NAA25: variants seen among roughly 807,000 people sequenced by gnomAD.
The protein encoded by NAA25 is N-terminal acetyltransferase B complex subunit NAA25.
In NAA25, 30 loss-of-function variants were observed where a neutral mutation model predicts 132.5. That is an observed-to-expected ratio of 0.23 (90% CI 0.17 to 0.31). The LOEUF is 0.31. Ranked by LOEUF, NAA25 falls within the 10% of genes least tolerant of loss-of-function variation. The probability of loss-of-function intolerance (pLI) is 1.00; values close to 1 mark genes in which losing one functional copy is unlikely to be tolerated. For synonymous variants in NAA25, 359 were observed against 401.9 expected (o/e 0.89, Z 1.28); for missense variants, 771 against 1,150.4 (o/e 0.67, Z 4.77).
intron 1 of NAA25, among the ~76,000 whole-genome samples, chr12:112,106,501 C>T (rs1472733749): frequency 6.6e-6 from 1 of 152,188 alleles, no homozygotes; most frequent in African/African-American, 2.4e-5. Context: ...ATATATATCT[C>T]TGCCCTCTGA....
At chr12:112,101,263 G>A (rs753368591) in intron 1 of NAA25, among the ~76,000 whole-genome samples, 2 of 152,144 alleles carry the variant, frequency 1.3e-5, no homozygotes, top group Non-Finnish European at 2.9e-5. Flanking sequence ...CTGTAATGGT[G>A]ATGTGTACTG....
At position 112,026,726 on chromosome 12, in the gene NAA25, C is replaced by T. The variant is rs921366067; in HGVS notation, c.*2805G>A. The T allele has an allele frequency of 1.3e-5, 2 of 152,110 alleles. No homozygotes were observed. The highest frequency in any genetic ancestry group is 4.8e-5 in the African/African-American group (2 of 41,416). The allele number at this position is 152,110 out of a possible 1,614,324, so 9.4% of individuals were successfully genotyped here. A position where few individuals can be genotyped will look rare whatever the true frequency, so the allele number is the denominator to read the frequency against. Reference sequence around the variant, plus strand: ...ATGAAAATGTTTATATAAATTAACCCATCCAGTTTAAAGTAGATTTGCTAT... The same window carrying T: ...ATGAAAATGTTTATATAAATTAACCTATCCAGTTTAAAGTAGATTTGCTAT... On this transcript the variant is annotated 3_prime_UTR_variant, in exon 24 of 24. Transcript: ENST00000261745.
intron 11 of NAA25, among the ~76,000 whole-genome samples, chr12:112,066,477 T>C (rs2078720725): frequency 6.6e-6 from 1 of 151,602 alleles, no homozygotes; most frequent in Non-Finnish European, 1.5e-5. Context: ...AATTCTGAGC[T>C]CCCTGTAGAA....
intron 2 of NAA25, 142 bp downstream of exon 2, chr12:112,092,909 A>G (rs2079157133): frequency 2.0e-6 from 1 of 497,264 alleles, no homozygotes. Context: ...AACTCCTGAC[A>G]TCGTGATCCG....
chr12:112,063,370 C>T (rs2078665975), intron 11 of NAA25, among the ~76,000 whole-genome samples: 3 of 152,124 alleles, frequency 2.0e-5, no homozygotes, highest in Non-Finnish European at 4.4e-5. Context: ...GATGGAATTT[C>T]TAAGTGTGAG....
At chr12:112,040,429 C>T (rs2078285319) in intron 21 of NAA25, 52 bp downstream of exon 21, 1 of 1,122,382 alleles carries the variant, frequency 8.9e-7, no homozygotes, top group Non-Finnish European at 1.3e-6. Flanking sequence ...AAAATGAATC[C>T]TGTAGACCAT....
chr12:112,037,250 T>G (rs1311782139), intron 22 of NAA25, among the ~76,000 whole-genome samples: 1 of 116,708 alleles, frequency 8.6e-6, no homozygotes, highest in African/African-American at 3.1e-5. Flanking sequence ...ATGGTGATAC[T>G]CAGATAGCGA....
chr12:112,096,567 A>G (rs1163603985), intron 1 of NAA25, among the ~76,000 whole-genome samples: 2 of 152,224 alleles, frequency 1.3e-5, no homozygotes, highest in Non-Finnish European at 2.9e-5. Flanking sequence ...GGAAATCACA[A>G]TTTAGAGAGG....
intron 10 of NAA25, among the ~76,000 whole-genome samples, chr12:112,070,218 C>A (rs1321144404): frequency 1.3e-5 from 2 of 152,102 alleles, no homozygotes; most frequent in Non-Finnish European, 2.9e-5. Context: ...GGTAGTTTTT[C>A]CAGCAAAATT....
intron 13 of NAA25, among the ~76,000 whole-genome samples, chr12:112,059,903 G>C (rs187570045): frequency 6.6e-6 from 1 of 151,442 alleles, no homozygotes; most frequent in East Asian, 2.0e-4. Flanking sequence ...CGCCTCCCAA[G>C]CTCAAGCAAT....
At chr12:112,070,156 G>A (rs561763426) in intron 10 of NAA25, among the ~76,000 whole-genome samples, 1 of 152,120 alleles carries the variant, frequency 6.6e-6, no homozygotes, top group African/African-American at 2.4e-5. Context: ...ATAAAAACCT[G>A]TAAGCAAATT....
rs1593764822 is a variant in NAA25, at chr12:112,049,578, T to C, written c.1729-1135A>G. 1 of 985,816 alleles carries C rather than the reference T, an allele frequency of 1.0e-6. No individual in the cohort carries two copies. The highest frequency in any genetic ancestry group is 1.2e-6 in the Non-Finnish European group (1 of 829,948). 61.1% of individuals were successfully genotyped at this position (985,816 alleles called of 1,614,324 possible). A position where few individuals can be genotyped will look rare whatever the true frequency, so the allele number is the denominator to read the frequency against. On this transcript the variant is annotated intron_variant, in intron 15 of 23. Coordinates refer to ENST00000261745, the MANE Select transcript of NAA25 (RefSeq NM_024953.4). The surrounding 1 kb of genome is among the most constrained non-coding windows in gnomAD (Gnocchi z 4.7). ...ATTCGATGCGGCTTTTAAACCCCCA[T>C]GGGACACCTCGGCGAGCTGTTTGCC...
In NAA25 at chr12:112,030,944, A is replaced by T. The variant is rs367808341; in HGVS notation, c.2797-1291T>A. ...TCTTGAATATAAAACTGAATTTAAA[A>T]TTTTTTTTTTTTTTTAAAAGAGGCA... On this transcript the variant is annotated intron_variant, in intron 23 of 23. Transcript: ENST00000261745. Among the ~76,000 whole-genome samples the T allele has an allele frequency of 3.0e-3, 445 of 147,068 alleles. 1 individual carries two copies. Among genetic ancestry groups the T allele is most frequent in the South Asian group, 3.5e-3 (16 of 4,592 alleles).
intron 13 of NAA25, among the ~76,000 whole-genome samples, chr12:112,057,712 C>T (rs770947109): frequency 6.6e-6 from 1 of 152,078 alleles, no homozygotes. Flanking sequence ...AAAATTAGGC[C>T]GGGCGCAGTG....
intron 17 of NAA25, among the ~76,000 whole-genome samples, chr12:112,044,668 TCAAAA>T (rs377462700): frequency 2.0e-4 from 30 of 150,402 alleles, no homozygotes; most frequent in African/African-American, 2.7e-4. Context: ...AGACTCCATC[TCAAAA>T]CAAAACAAAA....
rs979186432 is a variant in NAA25 at position 112,027,662 on chromosome 12, A to T, written c.*1869T>A. On this transcript the variant is annotated 3_prime_UTR_variant, in exon 24 of 24. Transcript: ENST00000261745. Reference sequence around the variant, plus strand: ...ATGCTAGATTGATCATGGTCAGTCGATAGACTTTTTCAAAGAGCATTTCTA... The same window carrying T: ...ATGCTAGATTGATCATGGTCAGTCGTTAGACTTTTTCAAAGAGCATTTCTA... 9.9e-5 allele frequency: 15 copies of T among 152,258 alleles called. No individual in the cohort carries two copies. The highest frequency in any genetic ancestry group is 3.6e-4 in the African/African-American group (15 of 41,448). 9.4% of individuals were successfully genotyped at this position (152,258 alleles called of 1,614,324 possible).
intron 1 of NAA25, among the ~76,000 whole-genome samples, chr12:112,107,988 G>A (rs960186390): frequency 1.3e-5 from 2 of 152,204 alleles, no homozygotes; most frequent in African/African-American, 4.8e-5. Flanking sequence ...GGGAAGGAAA[G>A]CTGCAGAGAA....
chr12:112,106,738 G>C (rs1285317130), intron 1 of NAA25, among the ~76,000 whole-genome samples: 1 of 148,926 alleles, frequency 6.7e-6, no homozygotes, highest in East Asian at 2.0e-4. Context: ...AGGACTGCTT[G>C]AGCTCAGGAG....
chr12:112,061,169 A>G lies in NAA25; in HGVS notation c.1357+12T>C. 6.2e-7 allele frequency: 1 copy of G among 1,610,854 alleles called. No homozygotes were observed. The highest frequency in any genetic ancestry group is 8.5e-7 in the Non-Finnish European group (1 of 1,178,788). The stretch of plus-strand genomic sequence containing the variant: ...ATCAGGGAACTACTGCACATTTTGA[A>G]TGGTTGCTCACCAAATTCCAGTCCA... On this transcript the variant is annotated intron_variant, in intron 12 of 23. Coordinates refer to ENST00000261745, the MANE Select transcript of NAA25 (RefSeq NM_024953.4).
Sources: gnomAD v4.1 joint callset for allele counts (sites outside exome capture counted in the v4.1 genomes callset) on GRCh38, gnomAD v4.1.1 for gene constraint, Gnocchi (gnomAD v3.1) non-coding constraint, MANE v1.5 for transcripts, NCBI Gene and HGNC (gene_info 2026-07-23, HGNC 2026-07-21) for gene names.